CFAP58: variants seen among roughly 807,000 people sequenced by gnomAD.
CFAP58 encodes the protein cilia- and flagella-associated protein 58.
CFAP58 carries 88 observed loss-of-function variants against 119.5 expected under a neutral mutation model. The ratio of observed to expected loss-of-function variants is 0.74; its 90% CI spans 0.62 to 0.88. The LOEUF (loss-of-function observed/expected upper bound fraction) is 0.88. CFAP58 is among the 40% of genes least tolerant of loss of function. The probability of loss-of-function intolerance (pLI) is 0.00; values close to 1 mark genes in which losing one functional copy is unlikely to be tolerated. For synonymous variants in CFAP58, 365 were observed against 366.3 expected (o/e 1.00, Z 0.04); for missense variants, 990 against 1,021.2 (o/e 0.97, Z 0.42).
rs369127375 is a variant in CFAP58 at position 104,450,088 on chromosome 10, G to T, written c.2394G>T (p.Leu798Phe). The change falls in exon 17 of 18, where the codon TTG becomes TTT. Residue 798 changes from leucine (L) to phenylalanine (F), a missense_variant. Coordinates refer to ENST00000369704, the MANE Select transcript of CFAP58 (RefSeq NM_001008723.2). Reference sequence around the variant, plus strand: ...CATGTTAGGTTTTGTCTTCAGAATTGAATATGTATGAAGTACAGAGCAAAG... The same window carrying T: ...CATGTTAGGTTTTGTCTTCAGAATTTAATATGTATGAAGTACAGAGCAAAG... ...KQQLKVLSSE[L>F]NMYEVQSKEY... 6.2e-7 allele frequency: 1 copy of T among 1,600,834 alleles called. No homozygotes were observed. Among genetic ancestry groups the T allele is most frequent in the Non-Finnish European group, 8.5e-7 (1 of 1,176,310 alleles).
chr10:104,403,757 T>G lies in CFAP58; in HGVS notation c.2068T>G (p.Leu690Val), dbSNP rs1178462132. 4.3e-6 allele frequency: 7 copies of G among 1,611,832 alleles called. No individual in the cohort carries two copies. The highest frequency in any genetic ancestry group is 5.9e-6 in the Non-Finnish European group (7 of 1,179,178). The stretch of plus-strand genomic sequence containing the variant: ...GGAGTTTTTTCACATGCAAAGAGAA[T>G]TGTTGAAGGAGAGGACACGCTGCCG... ...RQEFFHMQRE[L>V]LKERTRCRAL... is the part of the protein sequence containing the mutation. The change falls in exon 14 of 18, where the codon TTG (leucine) becomes GTG (valine). Residue 690 changes from leucine (L) to valine (V), a missense_variant. Transcript: ENST00000369704.
At chr10:104,430,446 C>T (rs2012826685) in intron 15 of CFAP58, among the ~76,000 whole-genome samples, 1 of 152,236 alleles carries the variant, frequency 6.6e-6, no homozygotes, top group Non-Finnish European at 1.5e-5. Flanking sequence ...TACCTTCTCA[C>T]TTACAGTCTT....
chr10:104,361,872 C>A, intron 2 of CFAP58, 151 bp from the exon 3 acceptor site: 1 of 688,496 alleles, frequency 1.5e-6, no homozygotes, highest in South Asian at 2.0e-5. Flanking sequence ...TTTCAGTGTG[C>A]TATTCACTAT....
At chr10:104,361,735 GA>G (rs1168791264) in intron 2 of CFAP58, among the ~76,000 whole-genome samples, 1 of 152,128 alleles carries the variant, frequency 6.6e-6, no homozygotes. Flanking sequence ...ATCCAGGCTA[GA>G]GTGCAGTGGC....
At chr10:104,433,638 C>G (rs1342487872) in intron 15 of CFAP58, among the ~76,000 whole-genome samples, 1 of 152,156 alleles carries the variant, frequency 6.6e-6, no homozygotes. Flanking sequence ...TGAGCCCATC[C>G]CATGATGTCA....
At position 104,400,788 on chromosome 10, in the gene CFAP58, G is replaced by A. The variant is rs548757595; in HGVS notation, c.1924G>A (p.Glu642Lys). Residue 642 changes from glutamate (E) to lysine (K), a missense_variant, in exon 13 of 18, where the codon GAG (glutamate) becomes AAG (lysine). Coordinates refer to ENST00000369704, the MANE Select transcript of CFAP58 (RefSeq NM_001008723.2). ...KIQQSVLNKG[E>K]SQYNQRLEDM... is the part of the protein sequence containing the mutation. Reference sequence around the variant, plus strand: ...CCAACAGTCTGTGCTGAATAAAGGGGAGAGCCAGTACAACCAGAGGTTGGA... The same window carrying A: ...CCAACAGTCTGTGCTGAATAAAGGGAAGAGCCAGTACAACCAGAGGTTGGA... The A allele has an allele frequency of 1.2e-6, 2 of 1,614,134 alleles. No individual in the cohort carries two copies. Among genetic ancestry groups the A allele is most frequent in the East Asian group, 2.2e-5 (1 of 44,872 alleles).
At chr10:104,452,882 C>T (rs997748861) in intron 17 of CFAP58, among the ~76,000 whole-genome samples, 4 of 151,924 alleles carry the variant, frequency 2.6e-5, no homozygotes, top group East Asian at 1.9e-4. Flanking sequence ...GTTCCATCTA[C>T]GTGGGGATCC....
chr10:104,357,856 TACACATATATAC>T (rs1395164388), intron 1 of CFAP58, among the ~76,000 whole-genome samples: 6 of 68,312 alleles, frequency 8.8e-5, no homozygotes, highest in South Asian at 4.0e-4. Flanking sequence ...TACACATATA[TACACATATATAC>T]ACATATATGT....
At chr10:104,426,703 A>G (rs1210223529) in intron 15 of CFAP58, among the ~76,000 whole-genome samples, 1 of 152,212 alleles carries the variant, frequency 6.6e-6, no homozygotes, top group Non-Finnish European at 1.5e-5. Context: ...TTATGAAGAA[A>G]GACATTTTCA....
In CFAP58 at chr10:104,357,878, TACACATATATAAACATATATGTAC is replaced by T. The variant is rs1351049487; in HGVS notation, c.10-459_10-436del. ...ATATACACATATATACACATATATGTACACATATATAAACATATATGTACACATATACACACATATATGTACACA... is the reference window on the plus strand; with the variant it reads ...ATATACACATATATACACATATATGTACATATACACACATATATGTACACA... On this transcript the variant is annotated intron_variant, in intron 1 of 17. Transcript: ENST00000369704. Among the ~76,000 whole-genome samples the T allele has an allele frequency of 1.7e-4, 20 of 119,602 alleles. 1 individual carries two copies. Among genetic ancestry groups the T allele is most frequent in the African/African-American group, 5.4e-4 (18 of 33,208 alleles). 78.5% of individuals were successfully genotyped at this position (119,602 alleles called of 152,430 possible). A position where few individuals can be genotyped will look rare whatever the true frequency, so the allele number is the denominator to read the frequency against.
In CFAP58 at chr10:104,357,952, T is replaced by C. The variant is rs1002392120; in HGVS notation, c.10-389T>C. 1.6e-4 allele frequency among the ~76,000 whole-genome samples: 18 copies of C among 115,332 alleles called. 2 individuals carry two copies. The South Asian group carries it at 2.1e-3, about 14-fold the overall frequency. The allele number at this position is 115,332 out of a possible 152,430, so 75.7% of individuals were successfully genotyped here. ...ATATACACACATATATGTACACATA[T>C]ATACACATATATGTACACATATGTA... On this transcript the variant is annotated intron_variant, in intron 1 of 17. Transcript: ENST00000369704.
chr10:104,363,255 C>T (rs982351242), intron 3 of CFAP58, among the ~76,000 whole-genome samples: 4 of 152,190 alleles, frequency 2.6e-5, no homozygotes, highest in Non-Finnish European at 5.9e-5. Context: ...AGGAAGGCAC[C>T]TTTATATCCC....
intron 9 of CFAP58, among the ~76,000 whole-genome samples, chr10:104,390,160 T>TGA (rs1325205089): frequency 7.2e-5 from 11 of 152,184 alleles, no homozygotes; most frequent in Admixed American, 7.2e-4. Context: ...CACAAGTGCA[T>TGA]GAGAATACAC....
intron 14 of CFAP58, among the ~76,000 whole-genome samples, chr10:104,405,488 T>C (rs1589924492): frequency 1.3e-5 from 2 of 152,350 alleles, no homozygotes; most frequent in Middle Eastern, 3.4e-3. Flanking sequence ...TGGGAGGCAG[T>C]TGAAAATATT....
At position 104,368,665 on chromosome 10, in the gene CFAP58, G is replaced by A. The variant is rs970656185; in HGVS notation, c.930+105G>A. The A allele has an allele frequency of 1.3e-5, 16 of 1,204,766 alleles. No homozygotes were observed. In the African/African-American group the frequency reaches 2.1e-4, roughly 16 times the overall value. The allele number at this position is 1,204,766 out of a possible 1,614,324, so 74.6% of individuals were successfully genotyped here. A position where few individuals can be genotyped will look rare whatever the true frequency, so the allele number is the denominator to read the frequency against. On this transcript the variant is annotated intron_variant, in intron 6 of 17. Transcript: ENST00000369704. Reference sequence around the variant, plus strand: ...GGAGAGCCTGTGTTGGCTCTACTGAGTACATTGACACATCAGAGGCAGGTG... The same window carrying A: ...GGAGAGCCTGTGTTGGCTCTACTGAATACATTGACACATCAGAGGCAGGTG...
At chr10:104,397,994 C>A (rs2012194438) in intron 11 of CFAP58, among the ~76,000 whole-genome samples, 1 of 152,194 alleles carries the variant, frequency 6.6e-6, no homozygotes, top group African/African-American at 2.4e-5. Context: ...CTGGCTGTTC[C>A]ACTGTCTGGT....
At chr10:104,427,164 A>G (rs1467912557) in intron 15 of CFAP58, among the ~76,000 whole-genome samples, 1 of 152,204 alleles carries the variant, frequency 6.6e-6, no homozygotes, top group Non-Finnish European at 1.5e-5. Context: ...CTTAAGTCCA[A>G]AGTCGGTGGT....
intron 15 of CFAP58, among the ~76,000 whole-genome samples, chr10:104,438,031 G>A (rs1251162138): frequency 6.6e-6 from 1 of 152,092 alleles, no homozygotes; most frequent in Non-Finnish European, 1.5e-5. Context: ...ATAAACTTGG[G>A]GAGAAAATAA....
chr10:104,367,208 CT>C (rs1476540229), intron 5 of CFAP58, among the ~76,000 whole-genome samples: 5 of 152,038 alleles, frequency 3.3e-5, no homozygotes, highest in African/African-American at 1.2e-4. Context: ...TAGGGTCAGT[CT>C]TTATGTATTT....
Sources: gnomAD v4.1 joint callset for allele counts (sites outside exome capture counted in the v4.1 genomes callset) on GRCh38, gnomAD v4.1.1 for gene constraint, MANE v1.5 for transcripts, NCBI Gene and HGNC (gene_info 2026-07-23, HGNC 2026-07-21) for gene names.